Variants in CNTNAP2 observed in about 807,000 individuals in gnomAD.
CNTNAP2 encodes the protein contactin-associated protein-like 2.
Under a neutral mutation model 155.2 loss-of-function variants are expected in CNTNAP2, and 98 were observed. The observed-to-expected ratio is 0.63, with a 90% CI of 0.54 to 0.75. CNTNAP2 has a LOEUF of 0.75. Ranked by LOEUF, CNTNAP2 falls within the 30% of genes least tolerant of loss-of-function variation. The pLI is 0.00. For synonymous variants in CNTNAP2, 651 were observed against 631.2 expected (o/e 1.03, Z -0.47); for missense variants, 1,727 against 1,688.1 (o/e 1.02, Z -0.40).
intron 13 of CNTNAP2, among the ~76,000 whole-genome samples, chr7:147,780,130 A>G (rs1035394183): frequency 3.3e-5 from 5 of 152,252 alleles, no homozygotes; most frequent in Admixed American, 3.3e-4. Flanking sequence ...GAGACAGAAT[A>G]TAGACAGCTA....
intron 12 of CNTNAP2, among the ~76,000 whole-genome samples, chr7:147,573,368 A>G (rs1220047579): frequency 6.6e-6 from 1 of 152,196 alleles, no homozygotes; most frequent in Non-Finnish European, 1.5e-5. Flanking sequence ...AAGTGAGATT[A>G]GGCAAAAACT....
chr7:148,309,756 C>CGGCCA (rs763856823), intron 21 of CNTNAP2, among the ~76,000 whole-genome samples: 33 of 152,132 alleles, frequency 2.2e-4, no homozygotes, highest in Non-Finnish European at 3.8e-4. Flanking sequence ...AGGCAGGAAC[C>CGGCCA]GGCCATCTGG....
intron 13 of CNTNAP2, among the ~76,000 whole-genome samples, chr7:147,899,902 A>AAAAG (rs1423554593): frequency 2.7e-5 from 4 of 150,090 alleles, no homozygotes; most frequent in South Asian, 2.1e-4. Context: ...CAAAAAAAAA[A>AAAAG]AAAGAAAGAA....
At chr7:147,911,926 C>A (rs1417007634) in intron 14 of CNTNAP2, among the ~76,000 whole-genome samples, 1 of 152,104 alleles carries the variant, frequency 6.6e-6, no homozygotes, top group Non-Finnish European at 1.5e-5. Context: ...GGTACAATTT[C>A]TTTTTAACGT....
At chr7:147,610,751 T>C (rs989586219) in intron 12 of CNTNAP2, among the ~76,000 whole-genome samples, 1 of 152,088 alleles carries the variant, frequency 6.6e-6, no homozygotes, top group Admixed American at 6.5e-5. Context: ...TTGGTTGGTT[T>C]GTTTTGAGAT....
At chr7:147,801,750 G>A (rs961431204) in intron 13 of CNTNAP2, among the ~76,000 whole-genome samples, 7 of 152,282 alleles carry the variant, frequency 4.6e-5, no homozygotes, top group Admixed American at 2.6e-4. Context: ...GCAACCATCC[G>A]ATTTCTCAAT....
intron 8 of CNTNAP2, among the ~76,000 whole-genome samples, chr7:147,133,196 G>T (rs1478442140): frequency 1.3e-5 from 2 of 152,108 alleles, no homozygotes; most frequent in African/African-American, 4.8e-5. Flanking sequence ...AAAGAAAGGT[G>T]ACATTGTAAA....
chr7:146,607,172 A>G (rs1197735433), intron 1 of CNTNAP2, among the ~76,000 whole-genome samples: 1 of 152,204 alleles, frequency 6.6e-6, no homozygotes, highest in Non-Finnish European at 1.5e-5. Flanking sequence ...ATATGTAGAA[A>G]CAGTGATAGT....
intron 12 of CNTNAP2, among the ~76,000 whole-genome samples, chr7:147,620,747 A>G (rs967397107): frequency 1.7e-4 from 26 of 152,136 alleles, no homozygotes; most frequent in African/African-American, 6.3e-4. Context: ...TACAGGATCT[A>G]GAAAATAGCC....
intron 1 of CNTNAP2, among the ~76,000 whole-genome samples, chr7:146,235,156 G>A (rs1420059488): frequency 6.8e-6 from 1 of 148,048 alleles, no homozygotes; most frequent in Non-Finnish European, 1.5e-5. Context: ...AGAGATAAAA[G>A]CTATAAAAGG....
At chr7:148,239,622 A>C (rs1406380290) in intron 20 of CNTNAP2, among the ~76,000 whole-genome samples, 1 of 152,170 alleles carries the variant, frequency 6.6e-6, no homozygotes, top group Non-Finnish European at 1.5e-5. Context: ...AAAGTATTTG[A>C]GCACGTTTTC....
chr7:147,170,355 C>T (rs1007104058), intron 8 of CNTNAP2, among the ~76,000 whole-genome samples: 1 of 152,010 alleles, frequency 6.6e-6, no homozygotes, highest in African/African-American at 2.4e-5. Flanking sequence ...AGAGGGGTAA[C>T]CCCCTCACCA....
intron 1 of CNTNAP2, among the ~76,000 whole-genome samples, chr7:146,448,517 T>G (rs977043948): frequency 2.0e-5 from 3 of 152,038 alleles, no homozygotes; most frequent in African/African-American, 4.8e-5. Context: ...TTTTGTTTTT[T>G]TTTTATTATA....
chr7:146,443,297 A>G (rs897796512), intron 1 of CNTNAP2, among the ~76,000 whole-genome samples: 2 of 152,022 alleles, frequency 1.3e-5, no homozygotes, highest in Non-Finnish European at 2.9e-5. Flanking sequence ...GAATGCTGAC[A>G]TGACTAAAAA....
chr7:147,118,676 T>C (rs1229722433), intron 5 of CNTNAP2, among the ~76,000 whole-genome samples: 1 of 152,150 alleles, frequency 6.6e-6, no homozygotes, highest in Non-Finnish European at 1.5e-5. Context: ...AGTGTAGAAA[T>C]CTGTATAGCA....
chr7:147,014,876 G>A (rs532460434), intron 3 of CNTNAP2, among the ~76,000 whole-genome samples: 1 of 152,256 alleles, frequency 6.6e-6, no homozygotes, highest in South Asian at 2.1e-4. Flanking sequence ...ATGCTAATAT[G>A]TTATTCTCTT....
At chr7:147,874,356 G>A (rs1799385913) in intron 13 of CNTNAP2, among the ~76,000 whole-genome samples, 1 of 152,210 alleles carries the variant, frequency 6.6e-6, no homozygotes, top group African/African-American at 2.4e-5. Context: ...CTGAAATCTA[G>A]GTGGAGGTTC....
chr7:147,071,518 A>G (rs747525855), intron 4 of CNTNAP2, among the ~76,000 whole-genome samples: 7 of 152,114 alleles, frequency 4.6e-5, no homozygotes, highest in African/African-American at 9.7e-5. Context: ...AAAAAGCTTC[A>G]TATCAATTTT....
chr7:146,689,304 T>C (rs1800657478), intron 1 of CNTNAP2, among the ~76,000 whole-genome samples: 1 of 152,084 alleles, frequency 6.6e-6, no homozygotes, highest in Admixed American at 6.6e-5. Flanking sequence ...AAGCAGTGAA[T>C]TGCCATAAAA....
Sources: gnomAD v4.1 joint callset for allele counts (sites outside exome capture counted in the v4.1 genomes callset) on GRCh38, gnomAD v4.1.1 for gene constraint, MANE v1.5 for transcripts, NCBI Gene and HGNC (gene_info 2026-07-23, HGNC 2026-07-21) for gene names.